The following CSMD1 variants were observed in gnomAD, a reference collection of about 807,000 sequenced individuals.
CSMD1 encodes CUB and Sushi multiple domains 1, also known as CUB and sushi domain-containing protein 1.
In CSMD1, 213 loss-of-function variants were observed where a neutral mutation model predicts 417.5. That is an observed-to-expected ratio of 0.51 (90% CI 0.46 to 0.57). CSMD1 has a LOEUF of 0.57. Ranked by LOEUF, CSMD1 falls within the 20% of genes least tolerant of loss-of-function variation. The probability of loss-of-function intolerance (pLI) is 0.00; values close to 1 mark genes in which losing one functional copy is unlikely to be tolerated. For synonymous variants in CSMD1, 2,862 were observed against 1,736.8 expected (o/e 1.65, Z -16.11); for missense variants, 6,923 against 4,529.7 (o/e 1.53, Z -15.17).
chr8:3,037,550 A>G (rs1416136116), intron 50 of CSMD1, among the ~76,000 whole-genome samples: 1 of 152,150 alleles, frequency 6.6e-6, no homozygotes, highest in African/African-American at 2.4e-5. Context: ...CTGTGCTGCT[A>G]TAAACATGGG....
intron 3 of CSMD1, among the ~76,000 whole-genome samples, chr8:4,346,563 T>C (rs958525929): frequency 1.3e-5 from 2 of 152,178 alleles, no homozygotes; most frequent in Non-Finnish European, 2.9e-5. Flanking sequence ...GGCTTGAGCG[T>C]GCTTTTCGTT....
intron 33 of CSMD1, among the ~76,000 whole-genome samples, chr8:3,195,708 A>G (rs1317846234): frequency 2.6e-5 from 4 of 152,196 alleles, no homozygotes; most frequent in Non-Finnish European, 5.9e-5. Flanking sequence ...CTCCACTGTG[A>G]ACACTCGAGG....
chr8:4,918,682 A>C lies in CSMD1; in HGVS notation c.85+75650T>G, dbSNP rs779673112. Among the ~76,000 whole-genome samples the C allele has an allele frequency of 2.0e-5, 3 of 152,340 alleles. No homozygotes were observed. In the East Asian group the frequency reaches 5.8e-4, roughly 29 times the overall value. ...CCAATCTCACTATTTCAGTGAAATA[A>C]ACTTATTATTTGACTAATACATTTT... On this transcript the variant is annotated intron_variant, in intron 1 of 69. Coordinates refer to ENST00000635120, the MANE Select transcript of CSMD1 (RefSeq NM_033225.6).
intron 5 of CSMD1, among the ~76,000 whole-genome samples, chr8:3,759,535 G>A (rs758407983): frequency 6.6e-6 from 1 of 152,116 alleles, no homozygotes; most frequent in South Asian, 2.1e-4. Flanking sequence ...AAATGAAAGA[G>A]ATTATGGGGC....
At position 4,700,485 on chromosome 8, in the gene CSMD1, A is replaced by T. The variant is rs1807453250; in HGVS notation, c.86-62927T>A. On this transcript the variant is annotated intron_variant, in intron 1 of 69. Coordinates refer to ENST00000635120, the MANE Select transcript of CSMD1 (RefSeq NM_033225.6). ...ACAACCTGCATATTCTTTAAATTTA[A>T]AACTATAAAACTATGCATGTTACAA... Among the ~76,000 whole-genome samples, 2 of 152,264 alleles carry T rather than the reference A, an allele frequency of 1.3e-5. 1 individual carries two copies. The highest frequency in any genetic ancestry group is 6.8e-3 in the Middle Eastern group (2 of 292).
chr8:3,839,669 G>C (rs201158072), intron 5 of CSMD1, among the ~76,000 whole-genome samples: 4 of 139,232 alleles, frequency 2.9e-5, no homozygotes, highest in Non-Finnish European at 6.2e-5. Flanking sequence ...AAAAAAAAAA[G>C]AATCTATCTC....
chr8:3,597,745 C>A (rs1801161455), intron 8 of CSMD1, among the ~76,000 whole-genome samples: 1 of 151,940 alleles, frequency 6.6e-6, no homozygotes, highest in South Asian at 2.1e-4. Flanking sequence ...AAGAGAAAAC[C>A]AAACATTGCA....
chr8:4,726,673 G>A (rs1196246094), intron 1 of CSMD1, among the ~76,000 whole-genome samples: 2 of 152,126 alleles, frequency 1.3e-5, no homozygotes, highest in East Asian at 1.9e-4. Flanking sequence ...CTGTTGCTCT[G>A]CTGCTGTCCT....
At chr8:3,600,147 A>G (rs1801292300) in intron 8 of CSMD1, among the ~76,000 whole-genome samples, 1 of 152,250 alleles carries the variant, frequency 6.6e-6, no homozygotes, top group Admixed American at 6.5e-5. Flanking sequence ...ACATAACTGC[A>G]GGTGGCATCA....
intron 62 of CSMD1, among the ~76,000 whole-genome samples, chr8:2,958,248 A>G (rs1363014854): frequency 6.6e-6 from 1 of 152,162 alleles, no homozygotes; most frequent in East Asian, 1.9e-4. Context: ...TGTCTTTCTG[A>G]TGCTTCAAAC....
chr8:4,425,999 T>A (rs1242834398), intron 2 of CSMD1, among the ~76,000 whole-genome samples: 1 of 152,000 alleles, frequency 6.6e-6, no homozygotes, highest in African/African-American at 2.4e-5. Context: ...GAGGTATACA[T>A]TAAACATTTT....
chr8:3,695,666 A>G (rs906524048), intron 7 of CSMD1, among the ~76,000 whole-genome samples: 1 of 152,212 alleles, frequency 6.6e-6, no homozygotes, highest in African/African-American at 2.4e-5. Context: ...ATTAAAAATA[A>G]TGATTAGAAA....
chr8:3,335,410 G>T (rs762477851), intron 23 of CSMD1, among the ~76,000 whole-genome samples: 1 of 152,176 alleles, frequency 6.6e-6, no homozygotes, highest in Non-Finnish European at 1.5e-5. Context: ...AGGCATGGTG[G>T]CTCACGCCTG....
intron 1 of CSMD1, among the ~76,000 whole-genome samples, chr8:4,981,799 A>G (rs1810903755): frequency 6.6e-6 from 1 of 152,134 alleles, no homozygotes; most frequent in African/African-American, 2.4e-5. Flanking sequence ...CAGCAAACTG[A>G]CAGTGATAGG....
At chr8:3,604,192 A>T (rs1303798159) in intron 8 of CSMD1, among the ~76,000 whole-genome samples, 1 of 152,224 alleles carries the variant, frequency 6.6e-6, no homozygotes, top group African/African-American at 2.4e-5. Flanking sequence ...GATAGAAAAT[A>T]TATAAACATG....
At chr8:4,823,751 G>A (rs1242624267) in intron 1 of CSMD1, among the ~76,000 whole-genome samples, 1 of 152,026 alleles carries the variant, frequency 6.6e-6, no homozygotes, top group Non-Finnish European at 1.5e-5. Flanking sequence ...GAAAAACTTA[G>A]CCAGTGTGGT....
At chr8:4,030,488 G>T (rs980427464) in intron 4 of CSMD1, among the ~76,000 whole-genome samples, 1 of 152,202 alleles carries the variant, frequency 6.6e-6, no homozygotes, top group Non-Finnish European at 1.5e-5. Context: ...TTCAGCCACA[G>T]TTGGAGCAGC....
At chr8:4,444,267 G>C (rs1798651149) in intron 2 of CSMD1, among the ~76,000 whole-genome samples, 2 of 148,718 alleles carry the variant, frequency 1.3e-5, no homozygotes, top group Non-Finnish European at 3.0e-5. Flanking sequence ...GCTTGAACCT[G>C]GGCTGGGAGG....
At chr8:3,119,464 A>G (rs1817069463) in intron 41 of CSMD1, among the ~76,000 whole-genome samples, 1 of 150,890 alleles carries the variant, frequency 6.6e-6, no homozygotes, top group Non-Finnish European at 1.5e-5. Flanking sequence ...TTTTTATAAC[A>G]TGATTTATTG....
Sources: allele counts gnomAD v4.1 joint callset (sites outside exome capture counted in the v4.1 genomes callset), GRCh38; gene constraint gnomAD v4.1.1; transcripts MANE v1.5; gene names NCBI Gene and HGNC (gene_info 2026-07-23, HGNC 2026-07-21).